Variants in ITGA8 observed in about 807,000 individuals in gnomAD.
The protein encoded by ITGA8 is integrin alpha-8.
Under a neutral mutation model 142.3 loss-of-function variants are expected in ITGA8, and 91 were observed. That is an observed-to-expected ratio of 0.64 (90% confidence interval 0.54 to 0.76). The LOEUF (loss-of-function observed/expected upper bound fraction) is 0.76. Among genes scored for constraint, ITGA8 ranks in the 30% least tolerant of loss-of-function variants. The pLI is 0.00. For missense variants in ITGA8, 1,406 were observed against 1,327.7 expected (o/e 1.06, Z -0.92); for synonymous variants, 505 against 485.2 (o/e 1.04, Z -0.54).
At chr10:15,579,081 T>C (rs1309198697) in intron 23 of ITGA8, among the ~76,000 whole-genome samples, 1 of 152,104 alleles carries the variant, frequency 6.6e-6, no homozygotes, top group Non-Finnish European at 1.5e-5. Flanking sequence ...AAAATAAAGT[T>C]CCGGGAGACG....
intron 2 of ITGA8, among the ~76,000 whole-genome samples, chr10:15,702,315 A>C (rs1835179055): frequency 6.7e-6 from 1 of 148,386 alleles, no homozygotes; most frequent in Non-Finnish European, 1.5e-5. Context: ...TTTGAGATGG[A>C]GTTTCATTCT....
intron 25 of ITGA8, among the ~76,000 whole-genome samples, chr10:15,570,602 C>T (rs552689394): frequency 1.6e-5 from 2 of 124,956 alleles, no homozygotes; most frequent in African/African-American, 6.2e-5. Context: ...AATAGCGAAA[C>T]TCCATCTCAA....
At chr10:15,656,679 C>T (rs1367785446) in intron 10 of ITGA8, among the ~76,000 whole-genome samples, 1 of 152,114 alleles carries the variant, frequency 6.6e-6, no homozygotes, top group Admixed American at 6.6e-5. Flanking sequence ...CATTTTATCG[C>T]TGCAGTTTTT....
intron 25 of ITGA8, among the ~76,000 whole-genome samples, chr10:15,566,832 G>T (rs1834089278): frequency 1.6e-5 from 2 of 121,344 alleles, no homozygotes; most frequent in African/African-American, 6.0e-5. Context: ...AAAAAAAGAG[G>T]CCGGGTGCAG....
At chr10:15,685,234 G>A (rs1834814161) in intron 3 of ITGA8, among the ~76,000 whole-genome samples, 1 of 152,198 alleles carries the variant, frequency 6.6e-6, no homozygotes, top group Admixed American at 6.5e-5. Context: ...AGTGCCCTCA[G>A]ACAATCTTTT....
intron 25 of ITGA8, among the ~76,000 whole-genome samples, chr10:15,567,618 A>G (rs747995420): frequency 2.0e-5 from 3 of 152,208 alleles, no homozygotes; most frequent in African/African-American, 4.8e-5. Context: ...AGCAGAAACT[A>G]TCACCGGAGA....
chr10:15,673,531 A>G (rs1398548060), intron 6 of ITGA8, among the ~76,000 whole-genome samples: 1 of 151,674 alleles, frequency 6.6e-6, no homozygotes, highest in Non-Finnish European at 1.5e-5. Flanking sequence ...ATAGGATATC[A>G]GGCATTACAG....
intron 27 of ITGA8, among the ~76,000 whole-genome samples, chr10:15,544,283 G>A (rs924652816): frequency 6.6e-6 from 1 of 151,522 alleles, no homozygotes; most frequent in South Asian, 2.1e-4. Flanking sequence ...GGATGACATA[G>A]TGAGACCCTG....
intron 13 of ITGA8, among the ~76,000 whole-genome samples, chr10:15,626,596 TGTC>T (rs1833587233): frequency 6.6e-6 from 1 of 152,122 alleles, no homozygotes; most frequent in African/African-American, 2.4e-5. Flanking sequence ...TCGATTCCCT[TGTC>T]GTGAAACAAT....
At chr10:15,592,183 C>T (rs780954284) in intron 22 of ITGA8, 42 bp downstream of exon 22, 1 of 1,442,424 alleles carries the variant, frequency 6.9e-7, no homozygotes, top group Admixed American at 1.8e-5. Flanking sequence ...GATCTCTTTT[C>T]TTTTGACTGC....
intron 29 of ITGA8, 34 bp from the exon 30 acceptor site, chr10:15,517,278 C>A (rs1193106794): frequency 2.8e-6 from 4 of 1,443,516 alleles, no homozygotes; most frequent in Admixed American, 3.9e-5. Context: ...AAAATCACGT[C>A]ATTCTGGGAA....
At chr10:15,654,820 A>C (rs1834153213) in intron 11 of ITGA8, among the ~76,000 whole-genome samples, 1 of 152,238 alleles carries the variant, frequency 6.6e-6, no homozygotes. Context: ...TTAGTGAATC[A>C]AAGAAGTGTT....
chr10:15,642,472 A>G (rs1774704162), intron 13 of ITGA8, among the ~76,000 whole-genome samples: 1 of 152,196 alleles, frequency 6.6e-6, no homozygotes, highest in African/African-American at 2.4e-5. Context: ...CTAAAATGCA[A>G]CCCAGGAGTT....
At chr10:15,705,004 G>GTTGTTTGT (rs3048325) in intron 2 of ITGA8, among the ~76,000 whole-genome samples, 4 of 151,710 alleles carry the variant, frequency 2.6e-5, no homozygotes, top group Non-Finnish European at 5.9e-5. Flanking sequence ...TGTTGTTGTT[G>GTTGTTTGT]TTGTTTGTTT....
chr10:15,644,322 C>T (rs1833927466), intron 12 of ITGA8, 101 bp from the exon 13 acceptor site: 2 of 1,133,992 alleles, frequency 1.8e-6, no homozygotes, highest in African/African-American at 1.6e-5. Context: ...AGCTGGAGTG[C>T]AGTGGTGGGA....
intron 13 of ITGA8, among the ~76,000 whole-genome samples, chr10:15,637,777 G>A (rs939429044): frequency 6.6e-6 from 1 of 150,748 alleles, no homozygotes; most frequent in Non-Finnish European, 1.5e-5. Flanking sequence ...ACAGGCATGA[G>A]CTACCGTGCC....
intron 27 of ITGA8, among the ~76,000 whole-genome samples, chr10:15,540,869 T>A (rs1833554712): frequency 1.3e-5 from 2 of 152,230 alleles, no homozygotes; most frequent in Admixed American, 6.5e-5. Flanking sequence ...CTAGCTGCCT[T>A]CATTGCTCAT....
chr10:15,537,920 C>A (rs527817778), intron 27 of ITGA8, among the ~76,000 whole-genome samples: 49 of 151,642 alleles, frequency 3.2e-4, no homozygotes, highest in African/African-American at 1.2e-3. Flanking sequence ...CAGTTTGAGA[C>A]AAGCCTGGGT....
chr10:15,561,228 T>C (rs1026293645), intron 25 of ITGA8, among the ~76,000 whole-genome samples: 27 of 87,024 alleles, frequency 3.1e-4, no homozygotes, highest in African/African-American at 8.0e-4. Context: ...TATATATATA[T>C]ATATATGTAT....
Sources: allele counts gnomAD v4.1 joint callset (sites outside exome capture counted in the v4.1 genomes callset), GRCh38; gene constraint gnomAD v4.1.1; transcripts MANE v1.5; gene names NCBI Gene and HGNC (gene_info 2026-07-23, HGNC 2026-07-21).